The following SNX7 variants were observed in gnomAD, a reference collection of about 807,000 sequenced individuals.
SNX7 encodes sorting nexin 7.
In SNX7, 35 loss-of-function variants were observed where a neutral mutation model predicts 48.4. The observed-to-expected ratio is 0.72, with a 90% confidence interval of 0.55 to 0.96. The LOEUF (loss-of-function observed/expected upper bound fraction) is 0.96. Among genes scored for constraint, SNX7 ranks in the 40% least tolerant of loss-of-function variants. SNX7 has a pLI of 0.00. For synonymous variants in SNX7, 190 were observed against 190.2 expected (o/e 1.00, Z 0.01); for missense variants, 553 against 548.9 (o/e 1.01, Z -0.07).
chr1:98,747,763 ATTTT>A (rs1446969551), intron 8 of SNX7, among the ~76,000 whole-genome samples: 4 of 152,182 alleles, frequency 2.6e-5, no homozygotes, highest in Middle Eastern at 3.4e-3. Flanking sequence ...GCAGGATTTT[ATTTT>A]TATTTATTTC....
In SNX7 at chr1:98,701,874, T is replaced by C; in HGVS notation, c.1096T>C (p.Leu366=). ...QAELDSKVEV[L]TYKKADTDLL... ...AGAACTGGATTCCAAAGTTGAAGTT[T>C]TGACCTATAAAAAGGCAGATACTGA... The change falls in exon 7 of 9, where the codon TTG becomes CTG. Residue 366 remains leucine, a synonymous_variant. Transcript: ENST00000306121. The C allele has an allele frequency of 6.2e-7, 1 of 1,611,430 alleles. No individual in the cohort carries two copies. Among genetic ancestry groups the C allele is most frequent in the Non-Finnish European group, 8.5e-7 (1 of 1,178,596 alleles).
At chr1:98,681,956 C>G (rs1276853470) in intron 1 of SNX7, among the ~76,000 whole-genome samples, 1 of 150,142 alleles carries the variant, frequency 6.7e-6, no homozygotes, top group African/African-American at 2.5e-5. Flanking sequence ...GTTTTCTCAT[C>G]CCTCCTTTTC....
Position 98,701,882 on chromosome 1 carries a change from T to C in SNX7, c.1104T>C (p.Tyr368=), listed in dbSNP as rs1478243684. 1.1e-5 allele frequency: 17 copies of C among 1,610,976 alleles called. No homozygotes were observed. The highest frequency in any genetic ancestry group is 1.7e-5 in the Admixed American group (1 of 59,676). The change falls in exon 7 of 9, where the codon TAT becomes TAC. Residue 368 remains tyrosine (Y), a synonymous_variant. Coordinates refer to ENST00000306121, the MANE Select transcript of SNX7 (RefSeq NM_015976.5). ...ATTCCAAAGTTGAAGTTTTGACCTA[T>C]AAAAAGGCAGATACTGATCTGGTAA... The part of the protein sequence containing the change: ...ELDSKVEVLT[Y]KKADTDLLPE...
upstream of SNX7, among the ~76,000 whole-genome samples, chr1:98,661,432 G>A (rs1201795305): frequency 6.6e-6 from 1 of 152,116 alleles, no homozygotes; most frequent in Non-Finnish European, 1.5e-5. Flanking sequence ...CTGGGTCAAT[G>A]CGAGGACGCC....
At chr1:98,723,618 C>A (rs1341478089) in intron 7 of SNX7, among the ~76,000 whole-genome samples, 1 of 151,864 alleles carries the variant, frequency 6.6e-6, no homozygotes, top group African/African-American at 2.4e-5. Context: ...TTTTGGGAGG[C>A]CTAGGTGGGC....
intron 7 of SNX7, among the ~76,000 whole-genome samples, chr1:98,728,701 G>A (rs536081882): frequency 3.3e-4 from 50 of 151,560 alleles, no homozygotes; most frequent in African/African-American, 1.2e-3. Flanking sequence ...AAAGACAAGG[G>A]TATTACATAA....
intron 8 of SNX7, among the ~76,000 whole-genome samples, chr1:98,754,386 T>A (rs964878090): frequency 2.0e-5 from 3 of 152,068 alleles, no homozygotes; most frequent in African/African-American, 7.2e-5. Flanking sequence ...TTCAATTTTC[T>A]GGAAGAGATT....
chr1:98,663,321 G>A (rs541486134), intron 1 of SNX7, among the ~76,000 whole-genome samples: 1 of 119,256 alleles, frequency 8.4e-6, no homozygotes, highest in East Asian at 2.7e-4. Context: ...TGGCCTCAAG[G>A]GATTCTACCA....
chr1:98,750,183 T>C (rs1349427073), intron 8 of SNX7, among the ~76,000 whole-genome samples: 1 of 151,938 alleles, frequency 6.6e-6, no homozygotes, highest in Non-Finnish European at 1.5e-5. Context: ...AAATATATAA[T>C]TATATTTTAT....
intron 7 of SNX7, among the ~76,000 whole-genome samples, chr1:98,706,542 C>A (rs938649298): frequency 3.9e-5 from 6 of 152,048 alleles, no homozygotes; most frequent in African/African-American, 1.4e-4. Flanking sequence ...AATAGTTGAA[C>A]AGAGGAGTAA....
chr1:98,741,146 G>T (rs1202964872), intron 8 of SNX7, among the ~76,000 whole-genome samples: 1 of 152,056 alleles, frequency 6.6e-6, no homozygotes. Flanking sequence ...ACATTCTAAT[G>T]GAAATACTTC....
chr1:98,749,292 A>G (rs1654464513), intron 8 of SNX7, among the ~76,000 whole-genome samples: 1 of 152,128 alleles, frequency 6.6e-6, no homozygotes, highest in African/African-American at 2.4e-5. Flanking sequence ...CTTGAGTTAG[A>G]CATCTACAGA....
At chr1:98,732,505 C>T (rs11166091) in intron 7 of SNX7, among the ~76,000 whole-genome samples, 42,029 of 151,910 alleles carry the variant, frequency 0.28, 6,136 homozygotes, top group Middle Eastern at 0.31. Flanking sequence ...CATAGAGTAG[C>T]GACCTGTGGA....
Position 98,737,865 on chromosome 1 carries a change from T to G in SNX7, c.1126-372T>G, listed in dbSNP as rs1159872424. Among the ~76,000 whole-genome samples the G allele has an allele frequency of 2.7e-4, 41 of 152,226 alleles. 1 individual carries two copies. The highest frequency in any genetic ancestry group is 2.7e-3 in the Admixed American group (41 of 15,272). On this transcript the variant is annotated intron_variant, in intron 7 of 8. Transcript: ENST00000306121. ...CTGAAGTGAAAGACACCATATCTTTTAATATAAATATTATCACCAGAAATG... is the reference window on the plus strand; with the variant it reads ...CTGAAGTGAAAGACACCATATCTTTGAATATAAATATTATCACCAGAAATG...
intron 1 of SNX7, among the ~76,000 whole-genome samples, chr1:98,663,253 G>GTTTTTTTTTTTTTTTT (rs61588201): frequency 4.8e-5 from 2 of 41,508 alleles, no homozygotes; most frequent in Admixed American, 3.2e-4. Context: ...TTTCTTTCTG[G>GTTTTTTTTTTTTTTTT]TTTTTTTTTT....
At chr1:98,663,955 T>C (rs1192986090) in intron 1 of SNX7, among the ~76,000 whole-genome samples, 1 of 152,188 alleles carries the variant, frequency 6.6e-6, no homozygotes, top group East Asian at 1.9e-4. Flanking sequence ...GCCACTTTCA[T>C]CCATTTCAGT....
chr1:98,669,924 T>C (rs1649755474), intron 1 of SNX7, among the ~76,000 whole-genome samples: 1 of 152,210 alleles, frequency 6.6e-6, no homozygotes, highest in Admixed American at 6.5e-5. Flanking sequence ...CTGTTTTCAA[T>C]AGATTAAGCT....
At chr1:98,676,150 T>C (rs1218007880) in intron 1 of SNX7, among the ~76,000 whole-genome samples, 1 of 151,916 alleles carries the variant, frequency 6.6e-6, no homozygotes, top group Non-Finnish European at 1.5e-5. Flanking sequence ...GTCATACACA[T>C]ACACACACAT....
In SNX7 at chr1:98,695,531, A is replaced by C. The variant is rs745905120; in HGVS notation, c.653A>C (p.His218Pro). The C allele has an allele frequency of 6.2e-7, 1 of 1,613,744 alleles. No homozygotes were observed. The highest frequency in any genetic ancestry group is 1.1e-5 in the South Asian group (1 of 90,916). ...TTTTGTTTCTAGGAACTCTCTTCTC[A>C]CAAGAAGCAAGGTCCTGGCTTGCTA... Reference protein sequence around the residue: ...LTAQAWELSSHKKQGPGLLSR... With the variant: ...LTAQAWELSSPKKQGPGLLSR... Residue 218 changes from histidine (H) to proline (P), a missense_variant, in exon 5 of 9, where the codon CAC becomes CCC. Coordinates refer to ENST00000306121, the MANE Select transcript of SNX7 (RefSeq NM_015976.5).
Sources: allele counts gnomAD v4.1 joint callset (sites outside exome capture counted in the v4.1 genomes callset), GRCh38; gene constraint gnomAD v4.1.1; transcripts MANE v1.5; gene names NCBI Gene and HGNC (gene_info 2026-07-23, HGNC 2026-07-21).